The following PCDHGA1 variants were observed in gnomAD, a reference collection of about 807,000 sequenced individuals.
PCDHGA1 encodes the protein protocadherin gamma-A1.
A neutral mutation model predicts 58.0 loss-of-function variants in PCDHGA1; 32 were observed. That is an observed-to-expected ratio of 0.55 (90% CI 0.42 to 0.74). PCDHGA1 has a LOEUF of 0.74. Among genes scored for constraint, PCDHGA1 ranks in the 30% least tolerant of loss-of-function variants. The pLI is 0.00. For synonymous variants in PCDHGA1, 498 were observed against 501.1 expected (o/e 0.99, Z 0.08); for missense variants, 1,205 against 1,182.3 (o/e 1.02, Z -0.28).
chr5:141,452,148 T>C (rs1294195346), intron 1 of PCDHGA1, among the ~76,000 whole-genome samples: 1 of 152,228 alleles, frequency 6.6e-6, no homozygotes, highest in Non-Finnish European at 1.5e-5. Flanking sequence ...TTTTTTCCAA[T>C]GAGTTATATT....
In PCDHGA1 at chr5:141,487,562, G is replaced by A. The variant is rs140619162; in HGVS notation, c.2422-7245G>A. The A allele has an allele frequency of 7.7e-5, 125 of 1,614,060 alleles. 1 individual carries two copies. The highest frequency in any genetic ancestry group is 5.7e-4 in the Admixed American group (34 of 60,006). On this transcript the variant is annotated intron_variant, in intron 1 of 3. Transcript: ENST00000517417. The surrounding 1 kb of genome is among the most constrained non-coding windows in gnomAD (Gnocchi z 5.0). ...GAAGTCACCCAGTGCACCTATGGCA[G>A]GGGAGCCTGTTCGCCCAAGCTGCCC...
At chr5:141,488,198 G>C (rs1007623840) in intron 1 of PCDHGA1, among the ~76,000 whole-genome samples, 1 of 152,166 alleles carries the variant, frequency 6.6e-6, no homozygotes, top group Non-Finnish European at 1.5e-5. Flanking sequence ...CTGGGTCTTA[G>C]GACTCATATC....
chr5:141,350,441 A>C, intron 1 of PCDHGA1: 1 of 1,610,702 alleles, frequency 6.2e-7, no homozygotes, highest in Non-Finnish European at 8.5e-7. Context: ...GGAGTTGCCA[A>C]CTCGAAAACT....
chr5:141,366,736 A>G (rs1165089619), intron 1 of PCDHGA1: 6 of 1,612,430 alleles, frequency 3.7e-6, no homozygotes, highest in Admixed American at 1.7e-5. Context: ...CAAACAAAGA[A>G]GAACGGCGAG....
At chr5:141,370,524 G>C in intron 1 of PCDHGA1, 1 of 1,613,890 alleles carries the variant, frequency 6.2e-7, no homozygotes, top group Non-Finnish European at 8.5e-7. Context: ...GCTGGACAGG[G>C]GCTCGCTGGT....
At chr5:141,394,300 T>A (rs753637808) in intron 1 of PCDHGA1, 1 of 1,613,938 alleles carries the variant, frequency 6.2e-7, no homozygotes, top group Admixed American at 1.7e-5. Context: ...GAGGACACGC[T>A]GCAGGGGGCG....
chr5:141,509,825 C>A (rs1057042581), intron 3 of PCDHGA1, among the ~76,000 whole-genome samples: 18 of 152,222 alleles, frequency 1.2e-4, no homozygotes, highest in African/African-American at 1.2e-4. Context: ...TCTCCATCTT[C>A]TCTCTACCTC....
In PCDHGA1 at chr5:141,414,101, A is replaced by G. The variant is rs759223225; in HGVS notation, c.2422-80706A>G. On this transcript the variant is annotated intron_variant, in intron 1 of 3. Transcript: ENST00000517417. ...TATACTGGAGAAATAAAAATATCAG[A>G]AAATCTAGATTATGAAGAAACCGGT... 1.9e-6 allele frequency: 3 copies of G among 1,593,930 alleles called. No individual in the cohort carries two copies. The African/African-American group carries it at 4.0e-5, about 21-fold the overall frequency.
At chr5:141,416,115 A>G (rs2095995433) in intron 1 of PCDHGA1, 2 of 155,406 alleles carry the variant, frequency 1.3e-5, no homozygotes, top group East Asian at 1.9e-4. Context: ...TTCAAACTAC[A>G]TTTTATATAT....
At chr5:141,374,840 GA>G in intron 1 of PCDHGA1, 1 of 1,613,796 alleles carries the variant, frequency 6.2e-7, no homozygotes, top group Non-Finnish European at 8.5e-7. Flanking sequence ...AAGTGTTCCT[GA>G]AAACCTGCCA....
intron 1 of PCDHGA1, chr5:141,366,256 C>A (rs751677361): frequency 6.2e-7 from 1 of 1,613,584 alleles, no homozygotes; most frequent in African/African-American, 1.3e-5. Flanking sequence ...AGCAGAGCCT[C>A]GTGGTGGCCG....
intron 1 of PCDHGA1, among the ~76,000 whole-genome samples, chr5:141,373,562 T>C (rs955311782): frequency 2.6e-5 from 4 of 152,186 alleles, no homozygotes; most frequent in African/African-American, 9.7e-5. Context: ...TTACTGAAAA[T>C]GGGACTAGCA....
rs767740118 is a variant in PCDHGA1 at position 141,332,376 on chromosome 5, C to A, written c.1692C>A (p.Tyr564Ter). 25 of 1,614,100 alleles carry A rather than the reference C, an allele frequency of 1.5e-5. No homozygotes were observed. Among genetic ancestry groups the A allele is most frequent in the Non-Finnish European group, 2.0e-5 (24 of 1,180,048 alleles). ...ACGACAACGCGCCCGAGATCCTGTA[C>A]CCCGCCCTCCCCACAGATGGTTCTA... is the stretch of plus-strand genomic sequence containing the variant. ...DQNDNAPEIL[Y>*]PALPTDGSTG... is the part of the protein sequence containing the mutation. Residue 564 changes from tyrosine (Y) to a stop codon, truncating the protein, a stop_gained, in exon 1 of 4, where the codon TAC becomes TAA. Coordinates refer to ENST00000517417, the MANE Select transcript of PCDHGA1 (RefSeq NM_018912.3). LOFTEE classifies it high-confidence loss of function. This position sits in a 1 kb window ranked among gnomAD's most constrained non-coding sequence, Gnocchi z 4.6.
At chr5:141,356,557 C>T in intron 1 of PCDHGA1, 1 of 1,614,138 alleles carries the variant, frequency 6.2e-7, no homozygotes, top group Non-Finnish European at 8.5e-7. Flanking sequence ...ACCCACTTTC[C>T]CTCATGCTTC....
intron 1 of PCDHGA1, chr5:141,478,024 C>T: frequency 2.5e-6 from 4 of 1,614,188 alleles, no homozygotes; most frequent in Non-Finnish European, 3.4e-6. Context: ...CAGTCCAAGA[C>T]ACAGATTCAC....
At position 141,457,403 on chromosome 5, in the gene PCDHGA1, C is replaced by A. The variant is rs550748216; in HGVS notation, c.2422-37404C>A. On this transcript the variant is annotated intron_variant, in intron 1 of 3. Transcript: ENST00000517417. ...GAACTAGCATATTGATTCACATTTT[C>A]ACATTACCCATCCCTTTTTCCCCCC... Among the ~76,000 whole-genome samples, 4 of 152,328 alleles carry A rather than the reference C, an allele frequency of 2.6e-5. No homozygotes were observed. In the East Asian group the frequency reaches 7.7e-4, roughly 29 times the overall value.
chr5:141,465,240 G>C (rs569146939), intron 1 of PCDHGA1, among the ~76,000 whole-genome samples: 22 of 152,168 alleles, frequency 1.4e-4, no homozygotes, highest in African/African-American at 5.3e-4. Flanking sequence ...TCAAGTTCAA[G>C]GCACTTTTGT....
rs778770720 is a variant in PCDHGA1 at position 141,375,689 on chromosome 5, G to C, written c.2421+42584G>C. On this transcript the variant is annotated intron_variant, in intron 1 of 3. Coordinates refer to ENST00000517417, the MANE Select transcript of PCDHGA1 (RefSeq NM_018912.3). ...CCTACAGCTGTGGGTGACAGCCAGC[G>C]ACAGCGGGGACCCGCCTCTTAGCAG... 4 of 1,614,250 alleles carry C rather than the reference G, an allele frequency of 2.5e-6. No individual in the cohort carries two copies. In the Admixed American group the frequency reaches 6.7e-5, roughly 27 times the overall value.
At chr5:141,356,462 C>T in intron 1 of PCDHGA1, 1 of 1,613,660 alleles carries the variant, frequency 6.2e-7, no homozygotes, top group Non-Finnish European at 8.5e-7. Context: ...TATAACATCA[C>T]TGTAACTGCC....
Sources: allele counts gnomAD v4.1 joint callset (sites outside exome capture counted in the v4.1 genomes callset), GRCh38; gene constraint gnomAD v4.1.1; non-coding constraint Gnocchi (gnomAD v3.1); transcripts MANE v1.5; gene names NCBI Gene and HGNC (gene_info 2026-07-23, HGNC 2026-07-21).